The following SELENOF variants were observed in gnomAD, a reference collection of about 807,000 sequenced individuals.
SELENOF encodes the protein selenoprotein F.
A neutral mutation model predicts 20.5 loss-of-function variants in SELENOF; 16 were observed. The observed-to-expected ratio is 0.78, with a 90% CI of 0.53 to 1.19. The LOEUF (loss-of-function observed/expected upper bound fraction) is 1.19, where lower values mean the gene tolerates loss of function less well. Among genes scored for constraint, SELENOF ranks in the 50% most tolerant of loss-of-function variants. The probability of loss-of-function intolerance (pLI) is 0.00; values close to 1 mark genes in which losing one functional copy is unlikely to be tolerated. For missense variants in SELENOF, 215 were observed against 194.2 expected (o/e 1.11, Z -0.64); for synonymous variants, 78 against 74.5 (o/e 1.05, Z -0.24).
chr1:86,884,346 TACACACACACACAC>T (rs142756978), intron 2 of SELENOF, among the ~76,000 whole-genome samples: 4 of 145,442 alleles, frequency 2.8e-5, no homozygotes, highest in Non-Finnish European at 4.6e-5. Context: ...CGCACATACA[TACACACACACACAC>T]ACACACACAC....
intron 3 of SELENOF, among the ~76,000 whole-genome samples, chr1:86,873,972 G>A (rs370818369): frequency 2.0e-5 from 3 of 151,388 alleles, no homozygotes; most frequent in South Asian, 4.2e-4. Flanking sequence ...CATTAGAAGC[G>A]TTTCTCTCAA....
intron 1 of SELENOF, among the ~76,000 whole-genome samples, chr1:86,909,262 T>C (rs186557922): frequency 1.3e-5 from 2 of 152,346 alleles, no homozygotes; most frequent in East Asian, 1.9e-4. Context: ...CAATTATCTA[T>C]ACTCCTTTTC....
chr1:86,863,707 A>C lies in SELENOF; in HGVS notation c.367-102T>G, dbSNP rs1364600451. ...CAATCCAGTTTAAATTTAGTAATTA[A>C]AAAAAGGCTTTTAGACATGACAATA... On this transcript the variant is annotated intron_variant, in intron 4 of 4. Coordinates refer to ENST00000331835, the MANE Select transcript of SELENOF (RefSeq NM_004261.5). The C allele has an allele frequency of 3.2e-5, 34 of 1,049,858 alleles. No individual in the cohort carries two copies. The East Asian group carries it at 9.2e-4, about 28-fold the overall frequency. 65.0% of individuals were successfully genotyped at this position (1,049,858 alleles called of 1,614,324 possible).
chr1:86,903,523 G>A, intron 1 of SELENOF, 75 bp from the exon 2 acceptor site: 1 of 1,180,382 alleles, frequency 8.5e-7, no homozygotes, highest in South Asian at 1.9e-5. Flanking sequence ...AGAACACGGG[G>A]TTGTCAAAAA....
At position 86,914,121 on chromosome 1, in the gene SELENOF, G is replaced by A. The variant is rs988390507; in HGVS notation, c.-10C>T. The stretch of plus-strand genomic sequence containing the variant: ...CCGCCATCGCTACCATTTTCCGCAG[G>A]TTTCTGGCTGCCTAGAAGGACCCCT... On this transcript the variant is annotated 5_prime_UTR_variant, in exon 1 of 5. Coordinates refer to ENST00000331835, the MANE Select transcript of SELENOF (RefSeq NM_004261.5). The A allele has an allele frequency of 1.1e-5, 17 of 1,611,580 alleles. No homozygotes were observed. The highest frequency in any genetic ancestry group is 4.5e-5 in the East Asian group (2 of 44,866).
At chr1:86,903,807 C>G (rs1489143719) in intron 1 of SELENOF, among the ~76,000 whole-genome samples, 1 of 152,046 alleles carries the variant, frequency 6.6e-6, no homozygotes, top group African/African-American at 2.4e-5. Context: ...GTCTTGATCT[C>G]CTGACCTCGT....
At chr1:86,872,646 G>T (rs1315544311) in intron 3 of SELENOF, among the ~76,000 whole-genome samples, 4 of 151,284 alleles carry the variant, frequency 2.6e-5, no homozygotes, top group African/African-American at 9.7e-5. Context: ...CTTCCAAAGT[G>T]CTGGGATTAT....
At chr1:86,908,903 A>C (rs1199608951) in intron 1 of SELENOF, among the ~76,000 whole-genome samples, 1 of 152,248 alleles carries the variant, frequency 6.6e-6, no homozygotes, top group Non-Finnish European at 1.5e-5. Context: ...TTTCAGATTA[A>C]ATCACTTTAT....
At chr1:86,896,881 TA>T (rs1394970591) in intron 2 of SELENOF, among the ~76,000 whole-genome samples, 14 of 152,332 alleles carry the variant, frequency 9.2e-5, no homozygotes, top group Admixed American at 2.0e-4. Context: ...AAGTTATGTA[TA>T]TTTTCAACAT....
intron 2 of SELENOF, among the ~76,000 whole-genome samples, chr1:86,881,302 ATC>A (rs1204716082): frequency 1.3e-5 from 2 of 152,256 alleles, no homozygotes; most frequent in African/African-American, 2.4e-5. Context: ...AATGGTAAGT[ATC>A]TCTTTTCTAG....
chr1:86,874,612 GTCC>G lies in SELENOF; in HGVS notation c.316+6047_316+6049del, dbSNP rs1658876928. Among the ~76,000 whole-genome samples the G allele has an allele frequency of 3.9e-5, 6 of 151,932 alleles. 1 individual carries two copies. The South Asian group carries it at 1.2e-3, about 32-fold the overall frequency. On this transcript the variant is annotated intron_variant, in intron 3 of 4. Coordinates refer to ENST00000331835, the MANE Select transcript of SELENOF (RefSeq NM_004261.5). The stretch of plus-strand genomic sequence containing the variant: ...AACCCCAAAACCCAAACCCACATCT[GTCC>G]TCCTCCTTGTTCTAGAAAGAGGGTA...
At chr1:86,913,833 C>T (rs1660056766) in intron 1 of SELENOF, 195 bp downstream of exon 1, 1 of 599,508 alleles carries the variant, frequency 1.7e-6, no homozygotes, top group Non-Finnish European at 3.0e-6. Flanking sequence ...CAAGAGAAAA[C>T]TGCTGCTAGA....
intron 1 of SELENOF, among the ~76,000 whole-genome samples, chr1:86,907,333 G>C (rs556943672): frequency 2.0e-5 from 3 of 152,254 alleles, no homozygotes; most frequent in African/African-American, 7.2e-5. Flanking sequence ...CACTATACTA[G>C]ACATGGGATA....
At chr1:86,913,144 T>C (rs116021449) in intron 1 of SELENOF, among the ~76,000 whole-genome samples, 3,548 of 152,272 alleles carry the variant, frequency 0.023, 69 homozygotes, top group Middle Eastern at 0.048. Flanking sequence ...GTACAGGTGT[T>C]CATAGAGGAC....
rs559346294 is a variant in SELENOF, at chr1:86,880,250, C to A, written c.316+412G>T. Among the ~76,000 whole-genome samples the A allele has an allele frequency of 1.6e-3, 239 of 152,140 alleles. 1 individual carries two copies. Among genetic ancestry groups the A allele is most frequent in the African/African-American group, 5.4e-3 (224 of 41,504 alleles). On this transcript the variant is annotated intron_variant, in intron 3 of 4. Transcript: ENST00000331835. Reference sequence around the variant, plus strand: ...TCCCGGGTTCAAGTGATTCTCCCGCCTCCGCCTCCCGAGTAGCTGGGATTA... The same window carrying A: ...TCCCGGGTTCAAGTGATTCTCCCGCATCCGCCTCCCGAGTAGCTGGGATTA...
intron 1 of SELENOF, among the ~76,000 whole-genome samples, chr1:86,912,093 T>C (rs371670820): frequency 6.6e-6 from 1 of 152,088 alleles, no homozygotes; most frequent in African/African-American, 2.4e-5. Context: ...GCTTGGGCAA[T>C]TGGGAAGCTG....
At chr1:86,911,937 A>G (rs1659994428) in intron 1 of SELENOF, among the ~76,000 whole-genome samples, 1 of 151,804 alleles carries the variant, frequency 6.6e-6, no homozygotes, top group African/African-American at 2.4e-5. Context: ...ACGCCCAGCT[A>G]ATTTTTATAT....
chr1:86,905,626 T>A (rs536736253), intron 1 of SELENOF, among the ~76,000 whole-genome samples: 1 of 152,294 alleles, frequency 6.6e-6, no homozygotes, highest in South Asian at 2.1e-4. Flanking sequence ...TTAAGTTGTT[T>A]CTCTGTCTTT....
At position 86,863,545 on chromosome 1, in the gene SELENOF, C is replaced by A; in HGVS notation, c.427G>T (p.Glu143Ter). The change falls in exon 5 of 5, where the codon GAA becomes TAA. Residue 143 changes from glutamate to a stop codon, truncating the protein, a stop_gained. Transcript: ENST00000331835. LOFTEE classifies it high-confidence loss of function. ...LLDDNGNIAE[E>*]LSILKWNTDS... The stretch of plus-strand genomic sequence containing the variant: ...GTGTTCCATTTGAGAATGCTCAGTT[C>A]TTCAGCAATGTTCCCATTGTCGTCC... 1 of 1,613,532 alleles carries A rather than the reference C, an allele frequency of 6.2e-7. No individual in the cohort carries two copies. The highest frequency in any genetic ancestry group is 8.5e-7 in the Non-Finnish European group (1 of 1,179,510).
Sources: gnomAD v4.1 joint callset for allele counts (sites outside exome capture counted in the v4.1 genomes callset) on GRCh38, gnomAD v4.1.1 for gene constraint, MANE v1.5 for transcripts, NCBI Gene and HGNC (gene_info 2026-07-23, HGNC 2026-07-21) for gene names.